The following B3GAT2 variants were observed in gnomAD, a reference collection of about 807,000 sequenced individuals.
The protein encoded by B3GAT2 is galactosylgalactosylxylosylprotein 3-beta-glucuronosyltransferase 2.
A neutral mutation model predicts 27.8 loss-of-function variants in B3GAT2; 26 were observed. The observed-to-expected ratio is 0.93, with a 90% confidence interval of 0.68 to 1.30. B3GAT2 has a LOEUF of 1.30. Among genes scored for constraint, B3GAT2 ranks in the 50% most tolerant of loss-of-function variants. The pLI, the probability that B3GAT2 is intolerant of heterozygous loss-of-function variation, is 0.00. For synonymous variants in B3GAT2, 218 were observed against 195.1 expected, an observed-to-expected ratio of 1.12 and a Z score of -0.98; for missense variants, 458 against 459.0, an observed-to-expected ratio of 1.00 and a Z score of 0.02.
intron 1 of B3GAT2, among the ~76,000 whole-genome samples, chr6:70,948,242 A>T (rs1302007624): frequency 4.8e-5 from 7 of 147,352 alleles, no homozygotes; most frequent in African/African-American, 1.8e-4. Flanking sequence ...GTAATTAGGC[A>T]GGAGAAGGAG....
intron 2 of B3GAT2, among the ~76,000 whole-genome samples, chr6:70,879,429 C>A (rs1772064744): frequency 1.3e-5 from 2 of 152,158 alleles, no homozygotes; most frequent in African/African-American, 2.4e-5. Flanking sequence ...CCTGTGAATA[C>A]CCTTGGGATT....
intron 1 of B3GAT2, among the ~76,000 whole-genome samples, chr6:70,947,336 A>C (rs568976693): frequency 6.6e-6 from 1 of 152,134 alleles, no homozygotes; most frequent in African/African-American, 2.4e-5. Flanking sequence ...GACCACTAGC[A>C]AGACTAATAA....
At chr6:70,892,358 T>A (rs147178650) in intron 2 of B3GAT2, among the ~76,000 whole-genome samples, 147 of 152,342 alleles carry the variant, frequency 9.6e-4, no homozygotes, top group African/African-American at 3.3e-3. Context: ...ACAAGTCTAT[T>A]TGATACCTGA....
intron 1 of B3GAT2, among the ~76,000 whole-genome samples, chr6:70,920,534 G>C (rs1052375932): frequency 6.6e-6 from 1 of 152,138 alleles, no homozygotes; most frequent in East Asian, 1.9e-4. Flanking sequence ...GACCAGAACT[G>C]TTCCTATCCT....
intron 1 of B3GAT2, among the ~76,000 whole-genome samples, chr6:70,935,936 C>T (rs1765267718): frequency 6.6e-6 from 1 of 151,510 alleles, no homozygotes; most frequent in East Asian, 1.9e-4. Flanking sequence ...CTAAATGCTC[C>T]AATTAAAAGA....
At chr6:70,866,900 T>A (rs1771860510) in intron 2 of B3GAT2, among the ~76,000 whole-genome samples, 1 of 152,208 alleles carries the variant, frequency 6.6e-6, no homozygotes, top group Admixed American at 6.5e-5. Flanking sequence ...ATCACGATAG[T>A]TAGACCATAG....
At chr6:70,935,647 G>C (rs1765258126) in intron 1 of B3GAT2, among the ~76,000 whole-genome samples, 1 of 152,038 alleles carries the variant, frequency 6.6e-6, no homozygotes, top group Non-Finnish European at 1.5e-5. Flanking sequence ...AGTTTAAAAT[G>C]ATTTTTAAAA....
At chr6:70,862,345 C>CCTAA (rs1198345696) in intron 2 of B3GAT2, among the ~76,000 whole-genome samples, 1 of 152,118 alleles carries the variant, frequency 6.6e-6, no homozygotes. Flanking sequence ...TACATGCTTA[C>CCTAA]CTAACTACAT....
rs558408306 is a variant in B3GAT2 at position 70,942,271 on chromosome 6, T to A, written c.591+13568A>T. On this transcript the variant is annotated intron_variant, in intron 1 of 3. Coordinates refer to ENST00000230053, the MANE Select transcript of B3GAT2 (RefSeq NM_080742.3). ...TTCCAAATACACAGAACCTGAAGAG[T>A]TCTTTACAGGACAGCTTCTCTCAAA... Among the ~76,000 whole-genome samples the A allele has an allele frequency of 5.3e-5, 8 of 151,958 alleles. No homozygotes were observed. The South Asian group carries it at 1.7e-3, about 32-fold the overall frequency.
chr6:70,948,446 CAGAG>C (rs1337149394), intron 1 of B3GAT2, among the ~76,000 whole-genome samples: 42 of 151,140 alleles, frequency 2.8e-4, no homozygotes, highest in Middle Eastern at 3.4e-3. Context: ...AACAGACAAA[CAGAG>C]AGCCAAATCA....
chr6:70,940,888 C>T (rs1480735573), intron 1 of B3GAT2, among the ~76,000 whole-genome samples: 3 of 152,114 alleles, frequency 2.0e-5, no homozygotes, highest in Non-Finnish European at 4.4e-5. Flanking sequence ...GGTTAGCATC[C>T]TCCTCTGAGC....
chr6:70,943,412 G>A (rs1020936107), intron 1 of B3GAT2, among the ~76,000 whole-genome samples: 1 of 152,116 alleles, frequency 6.6e-6, no homozygotes, highest in African/African-American at 2.4e-5. Context: ...TGGCTTCAGC[G>A]CAAATTGGCT....
chr6:70,894,061 G>A (rs1772335962), intron 2 of B3GAT2, 67 bp downstream of exon 2: 1 of 1,411,604 alleles, frequency 7.1e-7, no homozygotes, highest in Non-Finnish European at 9.4e-7. Context: ...TTCATCTAGT[G>A]CATCGTTATA....
chr6:70,956,255 G>A lies in B3GAT2; in HGVS notation c.175C>T (p.Pro59Ser). The A allele has an allele frequency of 6.2e-7, 1 of 1,611,164 alleles. No homozygotes were observed. Residue 59 changes from proline (P) to serine (S), a missense_variant, in exon 1 of 4, where the codon CCG (proline) becomes TCG (serine). Pro to Ser is a moderately conservative substitution (Grantham distance 74). Transcript: ENST00000230053. ...TTGCGCTTTTGGGTCCCGTGAGCCG[G>A]GCCGCCCCTGCGGAGCGGGAGTCGG... ...GARLPLRRGGPAHGTQKRNQS... is the reference protein window; with the variant it reads ...GARLPLRRGGSAHGTQKRNQS...
intron 2 of B3GAT2, among the ~76,000 whole-genome samples, chr6:70,877,146 C>T (rs1772026913): frequency 6.6e-6 from 1 of 152,108 alleles, no homozygotes; most frequent in Admixed American, 6.5e-5. Context: ...TGGTAACTGC[C>T]TGAGGTAGAG....
intron 2 of B3GAT2, among the ~76,000 whole-genome samples, chr6:70,878,680 T>TC (rs1385495274): frequency 6.6e-6 from 1 of 151,964 alleles, no homozygotes; most frequent in Non-Finnish European, 1.5e-5. Context: ...TTTGCTTTTT[T>TC]CCCTTCTTCT....
At chr6:70,890,030 C>T (rs2150029991) in intron 2 of B3GAT2, among the ~76,000 whole-genome samples, 1 of 152,188 alleles carries the variant, frequency 6.6e-6, no homozygotes, top group Non-Finnish European at 1.5e-5. Context: ...GATTCACCTG[C>T]CTCAGCCTCC....
chr6:70,923,982 C>G (rs1268460730), intron 1 of B3GAT2, among the ~76,000 whole-genome samples: 1 of 151,996 alleles, frequency 6.6e-6, no homozygotes, highest in African/African-American at 2.4e-5. Flanking sequence ...GAGACTAAAC[C>G]AACTTATTAA....
chr6:70,904,562 G>A (rs780850302), intron 1 of B3GAT2, among the ~76,000 whole-genome samples: 10 of 152,170 alleles, frequency 6.6e-5, no homozygotes, highest in Admixed American at 1.3e-4. Context: ...CTGAAAGTAC[G>A]AGATAAGCCT....
Sources: gnomAD v4.1 joint callset for allele counts (sites outside exome capture counted in the v4.1 genomes callset) on GRCh38, gnomAD v4.1.1 for gene constraint, MANE v1.5 for transcripts, NCBI Gene and HGNC (gene_info 2026-07-23, HGNC 2026-07-21) for gene names.